The following KTN1 variants were observed in gnomAD, a reference collection of about 807,000 sequenced individuals.
The protein encoded by KTN1 is kinectin 1, also known as kinectin.
A neutral mutation model predicts 222.5 loss-of-function variants in KTN1; 130 were observed. The ratio of observed to expected loss-of-function variants is 0.58; its 90% CI spans 0.51 to 0.68. KTN1 has a LOEUF of 0.68. Ranked by LOEUF, KTN1 falls within the 30% of genes least tolerant of loss-of-function variation. KTN1 has a pLI of 0.00. For missense variants in KTN1, 1,508 were observed against 1,500.4 expected, an observed-to-expected ratio of 1.01 and a Z score of -0.08; for synonymous variants, 512 against 496.3, an observed-to-expected ratio of 1.03 and a Z score of -0.42.
chr14:55,631,343 T>G lies in KTN1; in HGVS notation c.1221+1246T>G, dbSNP rs112753897. Among the ~76,000 whole-genome samples the G allele has an allele frequency of 3.3e-3, 326 of 98,746 alleles. 2 individuals are homozygous for G. The highest frequency in any genetic ancestry group is 6.3e-3 in the South Asian group (18 of 2,838). The allele number at this position is 98,746 out of a possible 152,430, so 64.8% of individuals were successfully genotyped here. On this transcript the variant is annotated intron_variant, in intron 7 of 43. Transcript: ENST00000395314. ...AAAACTCACCTATTGATAAGGTTGA[T>G]ATATATATATATATATATATATATA... is the stretch of plus-strand genomic sequence containing the variant.
At chr14:55,620,019 C>T (rs1430597475) in intron 5 of KTN1, among the ~76,000 whole-genome samples, 1 of 150,182 alleles carries the variant, frequency 6.7e-6, no homozygotes, top group Non-Finnish European at 1.5e-5. Context: ...CTCCTAGATA[C>T]AGTGGTAGGC....
Position 55,678,362 on chromosome 14 carries a change from C to A in KTN1, c.3866C>A (p.Ser1289Ter). Reference sequence around the variant, plus strand: ...TTGTTTTCCTTATAGGCTCAACAGTCACTGGAGCTTATCCAGTCAAAAATA... The same window carrying A: ...TTGTTTTCCTTATAGGCTCAACAGTAACTGGAGCTTATCCAGTCAAAAATA... ...VAGDLHKAQQ[S>*]LELIQSKIVK... The change falls in exon 42 of 44, where the codon TCA (serine) becomes TAA (stop). Residue 1289 changes from serine to a stop codon, truncating the protein, a stop_gained. Coordinates refer to ENST00000395314, the MANE Select transcript of KTN1 (RefSeq NM_001079521.2). LOFTEE classifies it high-confidence loss of function. 6.2e-7 allele frequency: 1 copy of A among 1,601,172 alleles called. No individual in the cohort carries two copies. The highest frequency in any genetic ancestry group is 1.1e-5 in the South Asian group (1 of 90,826).
intron 5 of KTN1, among the ~76,000 whole-genome samples, chr14:55,625,975 C>T (rs566166569): frequency 6.6e-6 from 1 of 152,186 alleles, no homozygotes; most frequent in African/African-American, 2.4e-5. Flanking sequence ...CTACACACAT[C>T]AAGGGATTCA....
intron 5 of KTN1, among the ~76,000 whole-genome samples, chr14:55,626,381 T>A (rs1364234874): frequency 1.3e-5 from 2 of 152,156 alleles, no homozygotes; most frequent in African/African-American, 4.8e-5. Flanking sequence ...TGCTTCCACT[T>A]TAGTTTTGCC....
At chr14:55,676,360 C>T (rs1310640260) in intron 41 of KTN1, among the ~76,000 whole-genome samples, 1 of 152,058 alleles carries the variant, frequency 6.6e-6, no homozygotes, top group Non-Finnish European at 1.5e-5. Flanking sequence ...AATCTCAATG[C>T]AAATGAATGA....
At chr14:55,636,366 G>A (rs1235925102) in intron 9 of KTN1, 83 bp from the exon 10 acceptor site, 2 of 981,956 alleles carry the variant, frequency 2.0e-6, no homozygotes, top group Non-Finnish European at 3.1e-6. Context: ...AGTAAAGGTA[G>A]AGGATGCTTT....
rs1344972556 is a variant in KTN1, at chr14:55,633,295, A to G, written c.1282A>G (p.Ile428Val). 6.3e-7 allele frequency: 1 copy of G among 1,596,334 alleles called. No homozygotes were observed. Among genetic ancestry groups the G allele is most frequent in the Non-Finnish European group, 8.5e-7 (1 of 1,171,478 alleles). The stretch of plus-strand genomic sequence containing the variant: ...AGCTCACTTGAAGCAGGAAAATGGT[A>G]TACTGAGAGATGCAGTCAGCAACAC... ...EIAHLKQENG[I>V]LRDAVSNTTN... Residue 428 changes from isoleucine to valine, a missense_variant, in exon 8 of 44, where the codon ATA (isoleucine) becomes GTA (valine). Physicochemically the swap from Ile to Val is conservative, Grantham distance 29. Coordinates refer to ENST00000395314, the MANE Select transcript of KTN1 (RefSeq NM_001079521.2).
chr14:55,670,429 G>A (rs2045338566), intron 34 of KTN1, among the ~76,000 whole-genome samples: 1 of 152,026 alleles, frequency 6.6e-6, no homozygotes, highest in Non-Finnish European at 1.5e-5. Context: ...GGCCAGATTT[G>A]AACCCAGGTT....
chr14:55,608,474 ATT>A (rs1324452453), intron 1 of KTN1, among the ~76,000 whole-genome samples: 1 of 152,156 alleles, frequency 6.6e-6, no homozygotes, highest in African/African-American at 2.4e-5. Context: ...ATTACATATG[ATT>A]TTGACTTTTT....
intron 34 of KTN1, among the ~76,000 whole-genome samples, chr14:55,669,566 T>G (rs1038971105): frequency 6.6e-6 from 1 of 151,978 alleles, no homozygotes; most frequent in Non-Finnish European, 1.5e-5. Context: ...CTCTTGCTGT[T>G]TTGCTGAGCA....
At chr14:55,663,479 A>G (rs1253799156) in intron 32 of KTN1, 1 of 163,026 alleles carries the variant, frequency 6.1e-6, no homozygotes, top group Non-Finnish European at 1.3e-5. Context: ...ATTCCTAGGT[A>G]GATTTGAAAC....
intron 42 of KTN1, chr14:55,679,051 T>C (rs2046140360): frequency 6.4e-6 from 1 of 155,368 alleles, no homozygotes; most frequent in African/African-American, 2.4e-5. Flanking sequence ...GGGCAGATCT[T>C]TAGCCACTTT....
chr14:55,589,471 C>T lies in KTN1; in HGVS notation c.-31+9117C>T, dbSNP rs188748907. On this transcript the variant is annotated intron_variant, in intron 1 of 43. Transcript: ENST00000395314. ...ATTACAGGCACCTGCCACCAAATCT[C>T]GCTAATATTTGTATTTTTAGTAGAG... Among the ~76,000 whole-genome samples, 5 of 151,578 alleles carry T rather than the reference C, an allele frequency of 3.3e-5. No individual in the cohort carries two copies. In the East Asian group the frequency reaches 7.8e-4, roughly 24 times the overall value.
intron 1 of KTN1, among the ~76,000 whole-genome samples, chr14:55,602,992 C>G (rs1011423436): frequency 6.6e-6 from 1 of 152,188 alleles, no homozygotes; most frequent in African/African-American, 2.4e-5. Context: ...TACCTCCTTT[C>G]CTGTCCTGGG....
chr14:55,612,139 G>A lies in KTN1; in HGVS notation c.91G>A (p.Glu31Lys). 2 of 1,572,212 alleles carry A rather than the reference G, an allele frequency of 1.3e-6. No homozygotes were observed. Among genetic ancestry groups the A allele is most frequent in the Non-Finnish European group, 1.7e-6 (2 of 1,167,380 alleles). The change falls in exon 2 of 44, where the codon GAA becomes AAA. Residue 31 changes from glutamate to lysine, a missense_variant. By Grantham distance (56) the Glu-to-Lys change is moderately conservative. Transcript: ENST00000395314. ...CCTCTTCTTCTGGCTTTTCATGAAA[G>A]AAACATTATATGATGAAGTTCTTGC... is the stretch of plus-strand genomic sequence containing the variant. ...IFLFFWLFMK[E>K]TLYDEVLAKQ... is the part of the protein sequence containing the mutation.
chr14:55,658,694 A>G, intron 30 of KTN1, 80 bp downstream of exon 30: 3 of 794,776 alleles, frequency 3.8e-6, no homozygotes, highest in South Asian at 3.3e-5. Context: ...TATTTTTGCC[A>G]TTTCTGCATT....
intron 1 of KTN1, among the ~76,000 whole-genome samples, chr14:55,611,638 A>G (rs1476534930): frequency 6.6e-6 from 1 of 152,058 alleles, no homozygotes; most frequent in Admixed American, 6.6e-5. Flanking sequence ...GTACCTCCTT[A>G]TTTTCACGTG....
rs754205455 is a variant in KTN1 at position 55,612,590 on chromosome 14, TC to T, written c.523+20del. The T allele has an allele frequency of 6.5e-7, 1 of 1,542,388 alleles. No individual in the cohort carries two copies. Among genetic ancestry groups the T allele is most frequent in the South Asian group, 1.3e-5 (1 of 78,160 alleles). ...GGAAGCGGTATTGTAATCTATTTAA[TC>T]TATTTAATTTTATTGTATGATTTGG... On this transcript the variant is annotated intron_variant, in intron 2 of 43. Transcript: ENST00000395314.
At chr14:55,671,514 A>G (rs1447223349) in intron 35 of KTN1, 52 bp from the exon 36 acceptor site, 2 of 1,388,062 alleles carry the variant, frequency 1.4e-6, no homozygotes, top group Non-Finnish European at 2.0e-6. Context: ...AACTTGAAGC[A>G]TAAAACTTTC....
Sources: gnomAD v4.1 joint callset for allele counts (sites outside exome capture counted in the v4.1 genomes callset) on GRCh38, gnomAD v4.1.1 for gene constraint, MANE v1.5 for transcripts, NCBI Gene and HGNC (gene_info 2026-07-23, HGNC 2026-07-21) for gene names.